SASH1: variants seen among roughly 807,000 people sequenced by gnomAD.
SASH1 encodes SAM and SH3 domain containing 1.
Under a neutral mutation model 125.2 loss-of-function variants are expected in SASH1, and 44 were observed. That is an observed-to-expected ratio of 0.35 (90% CI 0.28 to 0.45). The LOEUF is 0.45. Among genes scored for constraint, SASH1 ranks in the 20% least tolerant of loss-of-function variants. The pLI, the probability that SASH1 is intolerant of heterozygous loss-of-function variation, is 1.00. For missense variants in SASH1, 1,426 were observed against 1,614.5 expected, an observed-to-expected ratio of 0.88 and a Z score of 2.00; for synonymous variants, 639 against 649.1, an observed-to-expected ratio of 0.98 and a Z score of 0.24.
At chr6:148,238,621 CACAT>C in the SASH1 span, among the ~76,000 whole-genome samples, 1 of 63,412 alleles carries the variant, frequency 1.6e-5, no homozygotes, top group Non-Finnish European at 2.7e-5. Flanking sequence ...GTCATACACA[CACAT>C]ACACACACAC....
At position 148,343,403 on chromosome 6, in the gene SASH1, A is replaced by G. The variant is rs192621692; in HGVS notation, c.156+180A>G. Among the ~76,000 whole-genome samples the G allele has an allele frequency of 2.9e-3, 444 of 152,352 alleles. 2 individuals are homozygous for G. The highest frequency in any genetic ancestry group is 0.01 in the African/African-American group (429 of 41,588). On this transcript the variant is annotated intron_variant, in intron 1 of 19. Transcript: ENST00000367467. The stretch of plus-strand genomic sequence containing the variant: ...TAGGATTTCAAACCCTAATTAAAAA[A>G]TAACCAGCCACAGGTCCCGTCAAAA...
intron 2 of SASH1, among the ~76,000 whole-genome samples, chr6:148,431,718 C>T (rs1161472151): frequency 6.6e-6 from 1 of 151,530 alleles, no homozygotes; most frequent in Non-Finnish European, 1.5e-5. Context: ...ACAGGTCAGC[C>T]AGGACTGAAA....
In SASH1 at chr6:148,399,279, G is replaced by A. The variant is rs146341002; in HGVS notation, c.285+9017G>A. ...GTCTGCCAGGCTGGGGTTCAGTGGC[G>A]TGATCTCGGCTCACTGGAACCTCCA... is the stretch of plus-strand genomic sequence containing the variant. On this transcript the variant is annotated intron_variant, in intron 2 of 19. Transcript: ENST00000367467. 2.9e-3 allele frequency among the ~76,000 whole-genome samples: 410 copies of A among 143,454 alleles called. 5 individuals are homozygous for A. The highest frequency in any genetic ancestry group is 0.01 in the African/African-American group (383 of 37,262). 94.1% of individuals were successfully genotyped at this position (143,454 alleles called of 152,430 possible). A position where few individuals can be genotyped will look rare whatever the true frequency, so the allele number is the denominator to read the frequency against.
intron 7 of SASH1, among the ~76,000 whole-genome samples, chr6:148,486,256 G>T (rs565285205): frequency 2.2e-4 from 33 of 152,192 alleles, no homozygotes; most frequent in African/African-American, 7.9e-4. Flanking sequence ...GAGTAGCTGG[G>T]ATTACAGGCA....
At chr6:148,325,183 G>A (rs1314512043) in intron 1 of SASH1, among the ~76,000 whole-genome samples, 4 of 152,092 alleles carry the variant, frequency 2.6e-5, no homozygotes, top group Non-Finnish European at 4.4e-5. Flanking sequence ...CAATCATTGC[G>A]GAAAGGGAAG....
rs1009283354 is a variant in SASH1 at position 148,519,452 on chromosome 6, G to A, written c.863-95G>A. ...TAAGTGGGAGCTGGGTTTATAAAGA[G>A]GGTCATGATACGGAGAAAGGTGGTG... On this transcript the variant is annotated intron_variant, in intron 9 of 19. Coordinates refer to ENST00000367467, the MANE Select transcript of SASH1 (RefSeq NM_015278.5). The surrounding 1 kb of genome is among the most constrained non-coding windows in gnomAD (Gnocchi z 4.8). 2 of 861,060 alleles carry A rather than the reference G, an allele frequency of 2.3e-6. No individual in the cohort carries two copies. The highest frequency in any genetic ancestry group is 2.5e-5 in the East Asian group (1 of 39,606). 53.3% of individuals were successfully genotyped at this position (861,060 alleles called of 1,614,324 possible).
chr6:148,204,085 T>C, the SASH1 span, among the ~76,000 whole-genome samples: 3 of 152,220 alleles, frequency 2.0e-5, no homozygotes, highest in Non-Finnish European at 4.4e-5. Flanking sequence ...ACATTCATTA[T>C]GTGTTTGTGG....
chr6:148,511,512 T>G lies in SASH1; in HGVS notation c.730-2812T>G, dbSNP rs1583279138. ...TTGTGATTTGTCAGTGACAAACACC[T>G]CCAAATCTTGATTTTTCTAGAAAAA... is the stretch of plus-strand genomic sequence containing the variant. On this transcript the variant is annotated intron_variant, in intron 8 of 19. Transcript: ENST00000367467. Among the ~76,000 whole-genome samples, 3 of 152,256 alleles carry G rather than the reference T, an allele frequency of 2.0e-5. No individual in the cohort carries two copies. The East Asian group carries it at 5.8e-4, about 29-fold the overall frequency.
At chr6:148,195,521 T>C in the SASH1 span, among the ~76,000 whole-genome samples, 1 of 152,258 alleles carries the variant, frequency 6.6e-6, no homozygotes, top group Non-Finnish European at 1.5e-5. Context: ...GGTAGCCTCT[T>C]GTTTTGTTAA....
rs995697513 is a variant in SASH1 at position 148,495,589 on chromosome 6, T to A, written c.729+7874T>A. On this transcript the variant is annotated intron_variant, in intron 8 of 19. Transcript: ENST00000367467. The surrounding 1 kb of genome is among the most constrained non-coding windows in gnomAD (Gnocchi z 4.0). Reference sequence around the variant, plus strand: ...ATGTGGAAAAGTCTGACCGCAAAGATTTCTTTAATGGCAGCATATGATGAA... The same window carrying A: ...ATGTGGAAAAGTCTGACCGCAAAGAATTCTTTAATGGCAGCATATGATGAA... 6.6e-6 allele frequency among the ~76,000 whole-genome samples: 1 copy of A among 152,212 alleles called. No individual in the cohort carries two copies. Among genetic ancestry groups the A allele is most frequent in the African/African-American group, 2.4e-5 (1 of 41,454 alleles).
At chr6:148,291,619 T>C (rs913983981) in intron 1 of SASH1, among the ~76,000 whole-genome samples, 2 of 152,076 alleles carry the variant, frequency 1.3e-5, no homozygotes, top group Admixed American at 1.3e-4. Flanking sequence ...AGGAGGTCAA[T>C]GCTGCATTGA....
intron 4 of SASH1, among the ~76,000 whole-genome samples, chr6:148,454,401 T>C (rs1777241772): frequency 6.6e-6 from 1 of 152,246 alleles, no homozygotes; most frequent in Non-Finnish European, 1.5e-5. Context: ...CAGGCTAACC[T>C]GGAACTATGC....
At chr6:148,502,650 G>A (rs1018985346) in intron 8 of SASH1, among the ~76,000 whole-genome samples, 4 of 152,078 alleles carry the variant, frequency 2.6e-5, no homozygotes, top group Non-Finnish European at 4.4e-5. Flanking sequence ...GAGGAGGGCC[G>A]GGAAGCTCCT....
At chr6:148,540,371 C>T (rs544052081) in intron 16 of SASH1, 72 bp from the exon 17 acceptor site, 3 of 1,164,398 alleles carry the variant, frequency 2.6e-6, no homozygotes, top group South Asian at 2.6e-5. Flanking sequence ...AGGATAAAGT[C>T]GAGATCTGTT....
rs1472957563 is a variant in SASH1, at chr6:148,281,560, T to C, written n.74+9183T>C. Among the ~76,000 whole-genome samples, 2 of 152,140 alleles carry C rather than the reference T, an allele frequency of 1.3e-5. 1 individual carries two copies. ...GATGACTTCAGCCTCCTGTGAGGTG[T>C]GTCATGGTTCTGTCAGAGCTCGGAG... On this transcript the variant is annotated intron_variant and non_coding_transcript_variant, in intron 1 of 3. Coordinates refer to the SASH1 transcript ENST00000367469.
At chr6:148,327,951 AAAAAAG>A (rs1253526004) in intron 1 of SASH1, among the ~76,000 whole-genome samples, 1 of 148,306 alleles carries the variant, frequency 6.7e-6, no homozygotes, top group Non-Finnish European at 1.5e-5. Context: ...AAAAAAAAAA[AAAAAAG>A]AAAAAGAAAA....
intron 8 of SASH1, among the ~76,000 whole-genome samples, chr6:148,493,219 A>G (rs1779183444): frequency 6.6e-6 from 1 of 152,230 alleles, no homozygotes; most frequent in South Asian, 2.1e-4. Context: ...ACCCACCACC[A>G]TCACCACTGA....
At chr6:148,366,092 G>A (rs150494317) in intron 1 of SASH1, among the ~76,000 whole-genome samples, 1 of 151,448 alleles carries the variant, frequency 6.6e-6, no homozygotes, top group East Asian at 1.9e-4. Flanking sequence ...CAGCCTGGGG[G>A]ATAGAGTGAA....
intron 1 of SASH1, among the ~76,000 whole-genome samples, chr6:148,302,605 C>CAA (rs1779995744): frequency 6.6e-6 from 1 of 150,902 alleles, no homozygotes; most frequent in African/African-American, 2.4e-5. Context: ...TACACACACA[C>CAA]ACACACACGC....
Sources: gnomAD v4.1 joint callset for allele counts (sites outside exome capture counted in the v4.1 genomes callset) on GRCh38, gnomAD v4.1.1 for gene constraint, Gnocchi (gnomAD v3.1) non-coding constraint, MANE v1.5 for transcripts, NCBI Gene and HGNC (gene_info 2026-07-23, HGNC 2026-07-21) for gene names.